BCAM: variants seen among roughly 807,000 people sequenced by gnomAD.
BCAM encodes the protein basal cell adhesion molecule (Lutheran blood group), also known as basal cell adhesion molecule.
Under a neutral mutation model 72.4 loss-of-function variants are expected in BCAM, and 61 were observed. The ratio of observed to expected loss-of-function variants is 0.84; its 90% CI spans 0.69 to 1.04. The LOEUF (loss-of-function observed/expected upper bound fraction) is 1.04. Ranked by LOEUF, BCAM falls within the 50% of genes least tolerant of loss-of-function variation. The pLI is 0.00. For synonymous variants in BCAM, 408 were observed against 384.2 expected (o/e 1.06, Z -0.73); for missense variants, 909 against 895.0 (o/e 1.02, Z -0.20).
In BCAM at chr19:44,812,142, G is replaced by A; in HGVS notation, c.205-21G>A. 1 of 1,580,592 alleles carries A rather than the reference G, an allele frequency of 6.3e-7. No individual in the cohort carries two copies. The highest frequency in any genetic ancestry group is 8.6e-7 in the Non-Finnish European group (1 of 1,168,636). On this transcript the variant is annotated intron_variant, in intron 2 of 14. Transcript: ENST00000270233. The surrounding 1 kb of genome is among the most constrained non-coding windows in gnomAD (Gnocchi z 5.3). ...GGAGCGCTGGGACACCCGGAGCTGA[G>A]AGCCTGCCCCGCGCCCACAGACCGA...
At position 44,816,964 on chromosome 19, in the gene BCAM, C is replaced by T. The variant is rs143146265; in HGVS notation, c.1079-1558C>T. The stretch of plus-strand genomic sequence containing the variant: ...AAAGAAAAAAGAAATTGGCCGGGCA[C>T]GGTGGCTCACACCTGTAATCCCAGC... On this transcript the variant is annotated intron_variant, in intron 8 of 14. Coordinates refer to ENST00000270233, the MANE Select transcript of BCAM (RefSeq NM_005581.5). Among the ~76,000 whole-genome samples, 658 of 150,914 alleles carry T rather than the reference C, an allele frequency of 4.4e-3. 7 individuals carry two copies. The highest frequency in any genetic ancestry group is 0.015 in the African/African-American group (630 of 41,054).
At chr19:44,817,207 A>G (rs888248231) in intron 8 of BCAM, among the ~76,000 whole-genome samples, 8 of 152,202 alleles carry the variant, frequency 5.3e-5, no homozygotes, top group African/African-American at 1.9e-4. Context: ...ACTGCACTCT[A>G]GCCTGGGCGA....
chr19:44,819,389 C>G lies in BCAM; in HGVS notation c.1517C>G (p.Ser506Cys), dbSNP rs1281294345. ...GGACGGCAGGGTTGGGTGAGCAGCT[C>G]TCTGACCCTGAAAGTGACCAGCGCC... ...IPGRQGWVSS[S>C]LTLKVTSALS... is the part of the protein sequence containing the mutation. Residue 506 changes from serine (S) to cysteine (C), a missense_variant, in exon 12 of 15, where the codon TCT (serine) becomes TGT (cysteine). Transcript: ENST00000270233. The G allele has an allele frequency of 3.1e-6, 5 of 1,614,108 alleles. No individual in the cohort carries two copies. Among genetic ancestry groups the G allele is most frequent in the South Asian group, 2.2e-5 (2 of 91,088 alleles).
rs759081354 is a variant in BCAM at position 44,818,444 on chromosome 19, A to G, written c.1079-78A>G. The G allele has an allele frequency of 3.5e-6, 4 of 1,129,726 alleles. No homozygotes were observed. The highest frequency in any genetic ancestry group is 5.2e-6 in the Non-Finnish European group (4 of 767,568). The allele number at this position is 1,129,726 out of a possible 1,614,324, so 70.0% of individuals were successfully genotyped here. ...CTTCCAACTGTCCATTCATGTTTGC[A>G]CCCCCGACCGCCCCTGGAGAGCCCC... On this transcript the variant is annotated intron_variant, in intron 8 of 14. Transcript: ENST00000270233. This position sits in a 1 kb window ranked among gnomAD's most constrained non-coding sequence, Gnocchi z 4.6.
In BCAM at chr19:44,809,153, C is replaced by A. The variant is rs1313030719; in HGVS notation, c.29C>A (p.Ala10Glu). Residue 10 changes from alanine to glutamate, a missense_variant, in exon 1 of 15, where the codon GCG (alanine) becomes GAG (glutamate). Physicochemically the swap from Ala to Glu is moderately radical, Grantham distance 107. Coordinates refer to ENST00000270233, the MANE Select transcript of BCAM (RefSeq NM_005581.5). ...GAGCCCCCGGACGCACCGGCCCAGG[C>A]GCGCGGGGCCCCGCGGCTGCTGTTG... MEPPDAPAQ[A>E]RGAPRLLLLA... is the part of the protein sequence containing the mutation. 1 of 1,473,254 alleles carries A rather than the reference C, an allele frequency of 6.8e-7. No homozygotes were observed. The highest frequency in any genetic ancestry group is 9.0e-7 in the Non-Finnish European group (1 of 1,115,818). The allele number at this position is 1,473,254 out of a possible 1,614,324, so 91.3% of individuals were successfully genotyped here.
At chr19:44,809,833 C>T (rs890770077) in intron 1 of BCAM, among the ~76,000 whole-genome samples, 6 of 128,182 alleles carry the variant, frequency 4.7e-5, no homozygotes, top group African/African-American at 8.9e-5. Context: ...ATTTACACAC[C>T]TGCATGAGGA....
Position 44,814,696 on chromosome 19 carries a change from A to G in BCAM, c.1014A>G (p.Arg338=). 2 of 1,613,966 alleles carry G rather than the reference A, an allele frequency of 1.2e-6. No homozygotes were observed. Among genetic ancestry groups the G allele is most frequent in the Non-Finnish European group, 1.7e-6 (2 of 1,180,000 alleles). Residue 338 remains arginine (R), a synonymous_variant, in exon 8 of 15, where the codon AGA becomes AGG. Coordinates refer to ENST00000270233, the MANE Select transcript of BCAM (RefSeq NM_005581.5). The surrounding 1 kb of genome is among the most constrained non-coding windows in gnomAD (Gnocchi z 4.6). Reference sequence around the variant, plus strand: ...GCCAGAGCGGGACCTATGGCTGCAGAGTGGAGGATTACGACGCGGCAGATG... The same window carrying G: ...GCCAGAGCGGGACCTATGGCTGCAGGGTGGAGGATTACGACGCGGCAGATG... ...TRGQSGTYGC[R]VEDYDAADDV... is the part of the protein sequence containing the mutation.
In BCAM at chr19:44,813,569, G is replaced by T. The variant is rs762681823; in HGVS notation, c.733G>T (p.Glu245Ter). The T allele has an allele frequency of 2.5e-6, 4 of 1,612,438 alleles. No individual in the cohort carries two copies. Among genetic ancestry groups the T allele is most frequent in the Non-Finnish European group, 3.4e-6 (4 of 1,179,920 alleles). ...FHCAAHYSLP[E>*]GRHGRLDSPT... ...CTGCGCCGCCCACTACAGCCTGCCC[G>T]AGGGCCGCCACGGCCGCCTGGACAG... Residue 245 changes from glutamate (E) to a stop codon, truncating the protein, a stop_gained, in exon 6 of 15, where the codon GAG (glutamate) becomes TAG (stop). Transcript: ENST00000270233. LOFTEE classifies it high-confidence loss of function. This position sits in a 1 kb window ranked among gnomAD's most constrained non-coding sequence, Gnocchi z 4.2.
Position 44,819,623 on chromosome 19 carries a change from G to A in BCAM, c.1660G>A (p.Val554Met), listed in dbSNP as rs567437052. 2.4e-5 allele frequency: 38 copies of A among 1,613,516 alleles called. No homozygotes were observed. The East Asian group carries it at 3.1e-4, about 13-fold the overall frequency. The change falls in exon 13 of 15, where the codon GTG becomes ATG. Residue 554 changes from valine to methionine, a missense_variant. Physicochemically the swap from Val to Met is conservative, Grantham distance 21. Transcript: ENST00000270233. ...CCAGGCTGGAGTGGCCGTCATGGCC[G>A]TGGCCGTCAGCGTGGGCCTCCTGCT... ...TSQAGVAVMA[V>M]AVSVGLLLLV...
chr19:44,812,023 G>A lies in BCAM; in HGVS notation c.205-140G>A. Reference sequence around the variant, plus strand: ...AGGGAATGGGGGCAGGAGAAGGTGGGGAGGGACAGAGGGACCAGGGAGACC... The same window carrying A: ...AGGGAATGGGGGCAGGAGAAGGTGGAGAGGGACAGAGGGACCAGGGAGACC... On this transcript the variant is annotated intron_variant, in intron 2 of 14. Coordinates refer to ENST00000270233, the MANE Select transcript of BCAM (RefSeq NM_005581.5). The surrounding 1 kb of genome is among the most constrained non-coding windows in gnomAD (Gnocchi z 5.3). The A allele has an allele frequency of 2.6e-6, 2 of 779,324 alleles. No homozygotes were observed. Among genetic ancestry groups the A allele is most frequent in the South Asian group, 3.3e-5 (2 of 61,180 alleles). The allele number at this position is 779,324 out of a possible 1,614,324, so 48.3% of individuals were successfully genotyped here.
chr19:44,816,747 T>C (rs1968507878), intron 8 of BCAM, among the ~76,000 whole-genome samples: 1 of 151,734 alleles, frequency 6.6e-6, no homozygotes, highest in African/African-American at 2.4e-5. Flanking sequence ...GAGACCAGCC[T>C]GGCCAACATG....
Position 44,814,389 on chromosome 19 carries a change from T to A in BCAM, c.921+101T>A. 6.7e-7 allele frequency: 1 copy of A among 1,489,934 alleles called. No homozygotes were observed. The highest frequency in any genetic ancestry group is 8.9e-7 in the Non-Finnish European group (1 of 1,120,100). The allele number at this position is 1,489,934 out of a possible 1,614,324, so 92.3% of individuals were successfully genotyped here. A position where few individuals can be genotyped will look rare whatever the true frequency, so the allele number is the denominator to read the frequency against. On this transcript the variant is annotated intron_variant, in intron 7 of 14. Coordinates refer to ENST00000270233, the MANE Select transcript of BCAM (RefSeq NM_005581.5). The surrounding 1 kb of genome is among the most constrained non-coding windows in gnomAD (Gnocchi z 4.6). ...CTAATGTGGGACCTGGGAGTCCCCA[T>A]GGCTTAGGCAGCCACCTGATCTGGT...
chr19:44,820,686 C>A lies in BCAM; in HGVS notation c.1764-19C>A. The A allele has an allele frequency of 7.1e-7, 1 of 1,403,586 alleles. No individual in the cohort carries two copies. The highest frequency in any genetic ancestry group is 1.7e-5 in the South Asian group (1 of 60,254). 86.9% of individuals were successfully genotyped at this position (1,403,586 alleles called of 1,614,324 possible). A position where few individuals can be genotyped will look rare whatever the true frequency, so the allele number is the denominator to read the frequency against. On this transcript the variant is annotated intron_variant, in intron 13 of 14. Transcript: ENST00000270233. ...GCACCTCCAACACGACGCCTCCGCC[C>A]GCTGCCTCCTCCCCCCAGGCCGCCA...
At position 44,819,628 on chromosome 19, in the gene BCAM, C is replaced by G. The variant is rs767093928; in HGVS notation, c.1665C>G (p.Ala555=). Reference sequence around the variant, plus strand: ...CTGGAGTGGCCGTCATGGCCGTGGCCGTCAGCGTGGGCCTCCTGCTCCTCG... The same window carrying G: ...CTGGAGTGGCCGTCATGGCCGTGGCGGTCAGCGTGGGCCTCCTGCTCCTCG... ...SQAGVAVMAV[A]VSVGLLLLVV... Residue 555 remains alanine, a synonymous_variant, in exon 13 of 15, where the codon GCC becomes GCG. Coordinates refer to ENST00000270233, the MANE Select transcript of BCAM (RefSeq NM_005581.5). 1 of 1,613,466 alleles carries G rather than the reference C, an allele frequency of 6.2e-7. No homozygotes were observed. The highest frequency in any genetic ancestry group is 8.5e-7 in the Non-Finnish European group (1 of 1,179,746).
chr19:44,820,092 C>A, intron 13 of BCAM: 1 of 1,126,374 alleles, frequency 8.9e-7, no homozygotes, highest in Non-Finnish European at 1.1e-6. Context: ...CCCCAATCTC[C>A]CCTCAACTCC....
Position 44,813,527 on chromosome 19 carries a change from C to T in BCAM, c.691C>T (p.Arg231Ter), listed in dbSNP as rs121918132. 7 of 1,612,592 alleles carry T rather than the reference C, an allele frequency of 4.3e-6. No individual in the cohort carries two copies. The highest frequency in any genetic ancestry group is 1.7e-5 in the Admixed American group (1 of 60,002). Reference sequence around the variant, plus strand: ...CTACCTGCGGCTCCGCAAGGATGACCGAGACGCCAGCTTCCACTGCGCCGC... The same window carrying T: ...CTACCTGCGGCTCCGCAAGGATGACTGAGACGCCAGCTTCCACTGCGCCGC... ...TLYLRLRKDD[R>*]DASFHCAAHY... is the part of the protein sequence containing the mutation. Residue 231 changes from arginine to a stop codon, truncating the protein, a stop_gained, in exon 6 of 15, where the codon CGA becomes TGA. Coordinates refer to ENST00000270233, the MANE Select transcript of BCAM (RefSeq NM_005581.5). LOFTEE classifies it high-confidence loss of function. The surrounding 1 kb of genome is among the most constrained non-coding windows in gnomAD (Gnocchi z 4.2).
Position 44,813,940 on chromosome 19 carries a change from C to T in BCAM, c.785-212C>T, listed in dbSNP as rs1599885386. Among the ~76,000 whole-genome samples, 1 of 152,172 alleles carries T rather than the reference C, an allele frequency of 6.6e-6. No homozygotes were observed. The highest frequency in any genetic ancestry group is 2.4e-5 in the African/African-American group (1 of 41,434). On this transcript the variant is annotated intron_variant, in intron 6 of 14. Transcript: ENST00000270233. This position sits in a 1 kb window ranked among gnomAD's most constrained non-coding sequence, Gnocchi z 4.2. ...GTCTCACACTGACCCATCGCCCATA[C>T]GGACCTCTGACTCTTGACCTATACT... is the stretch of plus-strand genomic sequence containing the variant.
chr19:44,818,903 G>A lies in BCAM; in HGVS notation c.1336+21G>A, dbSNP rs974633070. The A allele has an allele frequency of 5.0e-6, 8 of 1,610,762 alleles. No homozygotes were observed. Among genetic ancestry groups the A allele is most frequent in the East Asian group, 2.2e-5 (1 of 44,876 alleles). ...CCAAGGTTCAGGGGGCAGGGAGGGGGTGGGCTTGGATGGGGACAGTGTGGG... is the reference window on the plus strand; with the variant it reads ...CCAAGGTTCAGGGGGCAGGGAGGGGATGGGCTTGGATGGGGACAGTGTGGG... On this transcript the variant is annotated intron_variant, in intron 10 of 14. Coordinates refer to ENST00000270233, the MANE Select transcript of BCAM (RefSeq NM_005581.5). The surrounding 1 kb of genome is among the most constrained non-coding windows in gnomAD (Gnocchi z 4.6).
Position 44,814,464 on chromosome 19 carries a change from C to T in BCAM, c.922-140C>T, listed in dbSNP as rs898912848. 2 of 1,391,040 alleles carry T rather than the reference C, an allele frequency of 1.4e-6. No homozygotes were observed. Among genetic ancestry groups the T allele is most frequent in the Non-Finnish European group, 1.9e-6 (2 of 1,036,242 alleles). The allele number at this position is 1,391,040 out of a possible 1,614,324, so 86.2% of individuals were successfully genotyped here. A position where few individuals can be genotyped will look rare whatever the true frequency, so the allele number is the denominator to read the frequency against. Reference sequence around the variant, plus strand: ...GACCCCTGATTTGAGAGAGTCAGGACTTAGCATGCCACCTGACTTGATGGC... The same window carrying T: ...GACCCCTGATTTGAGAGAGTCAGGATTTAGCATGCCACCTGACTTGATGGC... On this transcript the variant is annotated intron_variant, in intron 7 of 14. Coordinates refer to ENST00000270233, the MANE Select transcript of BCAM (RefSeq NM_005581.5). This position sits in a 1 kb window ranked among gnomAD's most constrained non-coding sequence, Gnocchi z 4.6.
Sources: allele counts gnomAD v4.1 joint callset (sites outside exome capture counted in the v4.1 genomes callset), GRCh38; gene constraint gnomAD v4.1.1; non-coding constraint Gnocchi (gnomAD v3.1); transcripts MANE v1.5; gene names NCBI Gene and HGNC (gene_info 2026-07-23, HGNC 2026-07-21).